Variants in FGF14 observed in about 807,000 individuals in gnomAD.
FGF14 encodes fibroblast growth factor 14, also known as fibroblast growth factor homologous factor 4.
FGF14 carries 5 observed loss-of-function variants against 25.5 expected under a neutral mutation model. The ratio of observed to expected loss-of-function variants is 0.20; its 90% CI spans 0.10 to 0.41. The LOEUF (loss-of-function observed/expected upper bound fraction) is 0.41, where lower values mean the gene tolerates loss of function less well. FGF14 is among the 10% of genes least tolerant of loss of function. The pLI, the probability that FGF14 is intolerant of heterozygous loss-of-function variation, is 1.00. For synonymous variants in FGF14, 138 were observed against 118.3 expected (o/e 1.17, Z -1.08); for missense variants, 222 against 320.1 (o/e 0.69, Z 2.34).
rs543179672 is a variant in FGF14 at position 102,093,225 on chromosome 13, A to G, written c.209-217929T>C. Among the ~76,000 whole-genome samples, 6 of 152,356 alleles carry G rather than the reference A, an allele frequency of 3.9e-5. No homozygotes were observed. In the East Asian group the frequency reaches 1.2e-3, roughly 29 times the overall value. On this transcript the variant is annotated intron_variant, in intron 1 of 4. Transcript: ENST00000376131. Reference sequence around the variant, plus strand: ...AAATTCTTAGGTGTGCCATGAATACATAAAATATATGTCAATACAAGCCTA... The same window carrying G: ...AAATTCTTAGGTGTGCCATGAATACGTAAAATATATGTCAATACAAGCCTA...
chr13:102,150,703 T>C (rs1485426020), intron 1 of FGF14, among the ~76,000 whole-genome samples: 1 of 152,214 alleles, frequency 6.6e-6, no homozygotes, highest in Admixed American at 6.5e-5. Context: ...AACATCTTTC[T>C]CTTGGTGTAG....
upstream of FGF14, among the ~76,000 whole-genome samples, chr13:101,917,242 A>C (rs566165300): frequency 6.6e-6 from 1 of 152,144 alleles, no homozygotes; most frequent in East Asian, 1.9e-4. Context: ...GCATCTGGAG[A>C]GACCAATCTT....
chr13:101,773,781 C>T (rs1460176081), intron 3 of FGF14, among the ~76,000 whole-genome samples: 2 of 150,552 alleles, frequency 1.3e-5, no homozygotes, highest in African/African-American at 2.5e-5. Context: ...GGTTTAGAGA[C>T]AGAAGACTTG....
chr13:101,984,183 T>A (rs1474487707), intron 1 of FGF14, among the ~76,000 whole-genome samples: 1 of 152,166 alleles, frequency 6.6e-6, no homozygotes, highest in Non-Finnish European at 1.5e-5. Flanking sequence ...TATATTGATA[T>A]ATTGACGTCA....
chr13:101,839,279 A>G lies in FGF14; in HGVS notation c.408+29446T>C, dbSNP rs115764950. Among the ~76,000 whole-genome samples the G allele has an allele frequency of 7.2e-3, 1,102 of 152,176 alleles. 6 individuals are homozygous for G. The highest frequency in any genetic ancestry group is 0.024 in the African/African-American group (1,006 of 41,560). ...AGGGTCTCTTTGATTCCTTCTAGCA[A>G]TCATGGCCCATGTGAAGTCTAATTT... On this transcript the variant is annotated intron_variant, in intron 3 of 4. Transcript: ENST00000376143.
intron 1 of FGF14, among the ~76,000 whole-genome samples, chr13:102,282,103 G>C (rs1337140046): frequency 7.3e-6 from 1 of 136,412 alleles, no homozygotes; most frequent in African/African-American, 2.8e-5. Flanking sequence ...TCTTGCTCTT[G>C]TTGCCCAGGC....
intron 3 of FGF14, among the ~76,000 whole-genome samples, chr13:101,833,597 T>G (rs2042782252): frequency 6.6e-6 from 1 of 152,092 alleles, no homozygotes; most frequent in African/African-American, 2.4e-5. Context: ...ATAGAAATAC[T>G]GCTCTGTGTG....
At position 102,149,352 on chromosome 13, in the gene FGF14, G is replaced by C. The variant is rs1464658530; in HGVS notation, c.208+252119C>G. Among the ~76,000 whole-genome samples, 3 of 152,194 alleles carry C rather than the reference G, an allele frequency of 2.0e-5. No individual in the cohort carries two copies. The South Asian group carries it at 6.2e-4, about 32-fold the overall frequency. Reference sequence around the variant, plus strand: ...AAAAGAAAGGTTAAGTAAGTTTAAGGAAGGATAAGATAAAATAAGTCAACA... The same window carrying C: ...AAAAGAAAGGTTAAGTAAGTTTAAGCAAGGATAAGATAAAATAAGTCAACA... On this transcript the variant is annotated intron_variant, in intron 1 of 4. Coordinates refer to the FGF14 transcript ENST00000376131.
chr13:101,906,751 T>G (rs2032297909), intron 1 of FGF14, among the ~76,000 whole-genome samples: 1 of 152,160 alleles, frequency 6.6e-6, no homozygotes, highest in Admixed American at 6.6e-5. Context: ...AAAAGCTGTT[T>G]GTCATTTTGA....
At chr13:101,797,392 C>A (rs114103577) in intron 3 of FGF14, among the ~76,000 whole-genome samples, 259 of 152,124 alleles carry the variant, frequency 1.7e-3, no homozygotes, top group African/African-American at 5.5e-3. Context: ...TGTAATTGTG[C>A]GTCCTTTATA....
chr13:102,216,926 G>C (rs970734674), intron 1 of FGF14, among the ~76,000 whole-genome samples: 1 of 152,062 alleles, frequency 6.6e-6, no homozygotes, highest in Non-Finnish European at 1.5e-5. Context: ...CCTAAACCTG[G>C]CTGATTTCAC....
chr13:101,932,973 CCTGAAGTCCTATTT>C (rs1317061151), intron 1 of FGF14, among the ~76,000 whole-genome samples: 4 of 152,090 alleles, frequency 2.6e-5, no homozygotes, highest in African/African-American at 9.7e-5. Flanking sequence ...ACAGTGATGT[CCTGAAGTCCTATTT>C]CTTCCTAGGT....
intron 1 of FGF14, among the ~76,000 whole-genome samples, chr13:102,244,524 T>TG (rs946690548): frequency 1.3e-5 from 2 of 151,966 alleles, no homozygotes; most frequent in African/African-American, 2.4e-5. Flanking sequence ...TGAAGGCTTT[T>TG]GGGGAAACAA....
intron 1 of FGF14, among the ~76,000 whole-genome samples, chr13:102,161,206 A>G (rs943932274): frequency 8.5e-5 from 13 of 152,184 alleles, no homozygotes; most frequent in African/African-American, 3.1e-4. Context: ...AGATGAATGC[A>G]TAAGTACAAC....
At chr13:101,916,346 CCGGGGT>C (rs2033488180) in intron 1 of FGF14, 101 bp downstream of exon 1, 6 of 1,372,664 alleles carry the variant, frequency 4.4e-6, no homozygotes, top group South Asian at 3.6e-5. Context: ...GAGGCCGGGG[CCGGGGT>C]GGGCCGGGAA....
At chr13:102,334,361 A>G (rs781198752) in intron 1 of FGF14, among the ~76,000 whole-genome samples, 2 of 152,334 alleles carry the variant, frequency 1.3e-5, no homozygotes, top group East Asian at 3.9e-4. Context: ...AACCCACCTC[A>G]GAAGACATGA....
At chr13:102,293,717 G>C (rs963181452) in intron 1 of FGF14, 3 of 152,102 alleles carry the variant, frequency 2.0e-5, no homozygotes, top group Admixed American at 6.6e-5. Flanking sequence ...ACATTTTACT[G>C]AAGCATTATT....
intron 3 of FGF14, among the ~76,000 whole-genome samples, chr13:101,786,823 T>C (rs1381296188): frequency 6.6e-6 from 1 of 152,196 alleles, no homozygotes; most frequent in Non-Finnish European, 1.5e-5. Context: ...TTATTGTTGC[T>C]GACAATTAAA....
intron 1 of FGF14, among the ~76,000 whole-genome samples, chr13:102,132,740 C>T (rs1028482480): frequency 2.0e-5 from 3 of 152,024 alleles, no homozygotes; most frequent in Non-Finnish European, 2.9e-5. Flanking sequence ...AGGCTGGCCT[C>T]GAACTCCTGA....
Sources: allele counts gnomAD v4.1 joint callset (sites outside exome capture counted in the v4.1 genomes callset), GRCh38; gene constraint gnomAD v4.1.1; transcripts MANE v1.5; gene names NCBI Gene and HGNC (gene_info 2026-07-23, HGNC 2026-07-21).